SIPA1L3: variants seen among roughly 807,000 people sequenced by gnomAD.
SIPA1L3 encodes the protein signal induced proliferation associated 1 like 3.
SIPA1L3 carries 59 observed loss-of-function variants against 150.1 expected under a neutral mutation model. That is an observed-to-expected ratio of 0.39 (90% CI 0.32 to 0.49). SIPA1L3 has a LOEUF of 0.49. Among genes scored for constraint, SIPA1L3 ranks in the 20% least tolerant of loss-of-function variants. The pLI is 0.86. For missense variants in SIPA1L3, 2,211 were observed against 2,489.5 expected (o/e 0.89, Z 2.38); for synonymous variants, 1,070 against 1,077.6 (o/e 0.99, Z 0.14).
rs184975778 is a variant in SIPA1L3 at position 37,944,846 on chromosome 19, A to G, written c.-379+37488A>G. ...GTCCCTCTAATCCCAGCTACTCGGG[A>G]GGCTGAGCCAGGAGAATCACTTGAG... On this transcript the variant is annotated intron_variant, in intron 1 of 21. Transcript: ENST00000222345. Among the ~76,000 whole-genome samples the G allele has an allele frequency of 7.9e-5, 12 of 152,214 alleles. No individual in the cohort carries two copies. In the East Asian group the frequency reaches 2.1e-3, roughly 27 times the overall value.
In SIPA1L3 at chr19:38,172,013, A is replaced by G. The variant is rs575544325; in HGVS notation, c.4208+7107A>G. Among the ~76,000 whole-genome samples, 41 of 152,324 alleles carry G rather than the reference A, an allele frequency of 2.7e-4. No individual in the cohort carries two copies. The East Asian group carries it at 7.3e-3, about 27-fold the overall frequency. ...ATTATGGAGTTTGGATCTCATCTTA[A>G]GAGCAGCCAGGGTAATGCGGGTGGA... On this transcript the variant is annotated intron_variant, in intron 15 of 21. Coordinates refer to ENST00000222345, the MANE Select transcript of SIPA1L3 (RefSeq NM_015073.3).
intron 7 of SIPA1L3, among the ~76,000 whole-genome samples, chr19:38,107,127 C>A (rs999103630): frequency 1.3e-5 from 2 of 152,244 alleles, no homozygotes; most frequent in African/African-American, 4.8e-5. Context: ...GCTTTATTCA[C>A]AGGTGCAAAG....
At chr19:38,133,078 A>G (rs1411081098) in intron 10 of SIPA1L3, among the ~76,000 whole-genome samples, 1 of 152,130 alleles carries the variant, frequency 6.6e-6, no homozygotes, top group Non-Finnish European at 1.5e-5. Context: ...TTTTCTGTAA[A>G]CTAGAGTCAA....
At chr19:37,999,718 T>C (rs143633301) in intron 1 of SIPA1L3, among the ~76,000 whole-genome samples, 98 of 152,362 alleles carry the variant, frequency 6.4e-4, no homozygotes, top group Admixed American at 1.9e-3. Flanking sequence ...CAGCTGTAGC[T>C]TCCGGCTGTC....
At position 38,082,150 on chromosome 19, in the gene SIPA1L3, G is replaced by A. The variant is rs1222916827; in HGVS notation, c.585G>A (p.Ala195=). The change falls in exon 3 of 22, where the codon GCG becomes GCA. Residue 195 remains alanine (A), a synonymous_variant. Transcript: ENST00000222345. ...CGCGGGGGGCCCGGCACACGGGGGC[G>A]CTGCCCCTCTTCCGCGAGTACGGGA... ...GEPRGARHTG[A]LPLFREYGST... 7 of 1,605,824 alleles carry A rather than the reference G, an allele frequency of 4.4e-6. No homozygotes were observed. The highest frequency in any genetic ancestry group is 5.9e-6 in the Non-Finnish European group (7 of 1,179,536).
chr19:37,938,624 C>CTTTTTTTTTTTTTTT (rs759856556), intron 1 of SIPA1L3, among the ~76,000 whole-genome samples: 25 of 131,202 alleles, frequency 1.9e-4, no homozygotes, highest in Non-Finnish European at 2.3e-4. Flanking sequence ...TTTCTTTTTT[C>CTTTTTTTTTTTTTTT]TTTTTTTTTT....
chr19:37,965,225 A>C (rs1244607356), intron 1 of SIPA1L3, among the ~76,000 whole-genome samples: 1 of 151,628 alleles, frequency 6.6e-6, no homozygotes, highest in Non-Finnish European at 1.5e-5. Context: ...TCTAGCCATA[A>C]TTTTGGTCAA....
intron 1 of SIPA1L3, among the ~76,000 whole-genome samples, chr19:37,927,306 C>T (rs1328488612): frequency 6.6e-6 from 1 of 151,940 alleles, no homozygotes; most frequent in East Asian, 1.9e-4. Context: ...ACCAACCATG[C>T]CCGGCTAAAC....
At chr19:38,205,727 T>TG (rs1314561808) in intron 21 of SIPA1L3, among the ~76,000 whole-genome samples, 3 of 152,130 alleles carry the variant, frequency 2.0e-5, no homozygotes, top group Non-Finnish European at 4.4e-5. Flanking sequence ...TGTGTGAGGC[T>TG]GGGGTCCTCT....
chr19:38,184,766 C>G (rs746322008), intron 16 of SIPA1L3: 8 of 152,168 alleles, frequency 5.3e-5, no homozygotes, highest in Non-Finnish European at 1.2e-4. Flanking sequence ...ACACTGAGAG[C>G]CAGAGGGGAT....
At chr19:37,933,172 C>T (rs927170224) in intron 1 of SIPA1L3, among the ~76,000 whole-genome samples, 8 of 151,828 alleles carry the variant, frequency 5.3e-5, no homozygotes, top group African/African-American at 1.7e-4. Flanking sequence ...CCCTGTGTGA[C>T]CTCATCTGTG....
At chr19:37,959,165 A>G (rs1389520677) in intron 1 of SIPA1L3, among the ~76,000 whole-genome samples, 2 of 152,356 alleles carry the variant, frequency 1.3e-5, no homozygotes, top group East Asian at 3.9e-4. Context: ...TGATCCAGCA[A>G]TTCCACTCCT....
chr19:38,034,097 A>G (rs572273933), intron 2 of SIPA1L3, among the ~76,000 whole-genome samples: 1 of 152,012 alleles, frequency 6.6e-6, no homozygotes, highest in Non-Finnish European at 1.5e-5. Flanking sequence ...TCATGGACAC[A>G]TCGCTCCTGC....
At chr19:37,949,631 C>T (rs531575402) in intron 1 of SIPA1L3, among the ~76,000 whole-genome samples, 3 of 151,720 alleles carry the variant, frequency 2.0e-5, no homozygotes, top group South Asian at 4.2e-4. Context: ...CGCCATTGCA[C>T]TCCAGCCTGG....
intron 18 of SIPA1L3, among the ~76,000 whole-genome samples, chr19:38,197,427 C>G (rs1972984802): frequency 6.6e-6 from 1 of 152,102 alleles, no homozygotes; most frequent in African/African-American, 2.4e-5. Context: ...ACTTCCAACT[C>G]CTGAGATGTC....
In SIPA1L3 at chr19:38,052,153, C is replaced by T. The variant is rs547584091; in HGVS notation, c.-311+22997C>T. Among the ~76,000 whole-genome samples, 5 of 152,340 alleles carry T rather than the reference C, an allele frequency of 3.3e-5. No individual in the cohort carries two copies. In the South Asian group the frequency reaches 8.3e-4, roughly 25 times the overall value. ...GAGGAGGACATTTCTATAAAATCAT[C>T]CTGTGGTGCTTTTCATTTTCCATGG... is the stretch of plus-strand genomic sequence containing the variant. On this transcript the variant is annotated intron_variant, in intron 2 of 21. Transcript: ENST00000222345.
chr19:38,144,225 A>C (rs1971658251), intron 12 of SIPA1L3, among the ~76,000 whole-genome samples: 1 of 152,224 alleles, frequency 6.6e-6, no homozygotes, highest in Admixed American at 6.5e-5. Flanking sequence ...GCCAGCTAAG[A>C]GTGTGTGTGC....
intron 10 of SIPA1L3, among the ~76,000 whole-genome samples, chr19:38,139,101 C>T (rs925031813): frequency 6.6e-6 from 1 of 151,550 alleles, no homozygotes; most frequent in Non-Finnish European, 1.5e-5. Flanking sequence ...GAGGCTAAGG[C>T]GCGAGAATCG....
At chr19:38,022,490 G>A (rs890567835) in intron 1 of SIPA1L3, among the ~76,000 whole-genome samples, 3 of 151,694 alleles carry the variant, frequency 2.0e-5, no homozygotes, top group Non-Finnish European at 4.4e-5. Flanking sequence ...ACGAAGTCAG[G>A]AGATTGAGAC....
Sources: allele counts gnomAD v4.1 joint callset (sites outside exome capture counted in the v4.1 genomes callset), GRCh38; gene constraint gnomAD v4.1.1; transcripts MANE v1.5; gene names NCBI Gene and HGNC (gene_info 2026-07-23, HGNC 2026-07-21).